Variants in PRR16 observed in about 807,000 individuals in gnomAD.
The protein encoded by PRR16 is protein Largen.
PRR16 carries 6 observed loss-of-function variants against 18.2 expected under a neutral mutation model. That is an observed-to-expected ratio of 0.33 (90% CI 0.18 to 0.65). The LOEUF is 0.65. Among genes scored for constraint, PRR16 ranks in the 30% least tolerant of loss-of-function variants. The pLI is 0.74. For synonymous variants in PRR16, 151 were observed against 147.8 expected (o/e 1.02, Z -0.16); for missense variants, 412 against 376.6 (o/e 1.09, Z -0.78).
chr5:120,704,346 TTTC>T, the PRR16 span, among the ~76,000 whole-genome samples: 48 of 152,260 alleles, frequency 3.2e-4, no homozygotes, highest in African/African-American at 1.1e-3. Flanking sequence ...TTGAGACTGT[TTTC>T]TTTTTTTCCC....
chr5:120,590,524 A>G (rs945614121), intron 1 of PRR16, among the ~76,000 whole-genome samples: 1 of 111,320 alleles, frequency 9.0e-6, no homozygotes, highest in African/African-American at 3.5e-5. Flanking sequence ...GAAGTTTTAG[A>G]GAATTTTACT....
chr5:120,574,933 C>A (rs1753025009), intron 1 of PRR16, among the ~76,000 whole-genome samples: 1 of 148,558 alleles, frequency 6.7e-6, no homozygotes, highest in South Asian at 2.1e-4. Flanking sequence ...CAGCAGTCTC[C>A]CCTTATACAC....
intron 1 of PRR16, among the ~76,000 whole-genome samples, chr5:120,588,220 A>C (rs1753515819): frequency 6.6e-6 from 1 of 152,234 alleles, no homozygotes; most frequent in African/African-American, 2.4e-5. Context: ...TGTTGTGAAC[A>C]TTGATGACAT....
chr5:120,550,649 T>C (rs996397427), intron 1 of PRR16, among the ~76,000 whole-genome samples: 1 of 152,144 alleles, frequency 6.6e-6, no homozygotes, highest in South Asian at 2.1e-4. Context: ...CACTGGAAAA[T>C]AGAAACAACA....
intron 1 of PRR16, among the ~76,000 whole-genome samples, chr5:120,475,530 GA>G (rs1362359822): frequency 6.6e-6 from 1 of 152,018 alleles, no homozygotes; most frequent in Non-Finnish European, 1.5e-5. Context: ...TTGAGGCCAG[GA>G]GTTCAAGACC....
chr5:120,698,344 G>T, the PRR16 span, among the ~76,000 whole-genome samples: 6 of 152,032 alleles, frequency 3.9e-5, no homozygotes, highest in Non-Finnish European at 5.9e-5. Flanking sequence ...AGAAAAACAG[G>T]TATAAAAGGT....
the PRR16 span, among the ~76,000 whole-genome samples, chr5:120,787,653 T>A: frequency 6.6e-6 from 1 of 152,116 alleles, no homozygotes; most frequent in African/African-American, 2.4e-5. Context: ...GAAGAAGGAA[T>A]GGGTTAGTTT....
At chr5:120,498,359 G>GTATA (rs757721426) in intron 1 of PRR16, among the ~76,000 whole-genome samples, 2 of 145,130 alleles carry the variant, frequency 1.4e-5, no homozygotes, top group African/African-American at 5.0e-5. Flanking sequence ...ATCTATAAAT[G>GTATA]TATATATATA....
the PRR16 span, among the ~76,000 whole-genome samples, chr5:120,713,196 G>A: frequency 6.6e-6 from 1 of 152,054 alleles, no homozygotes; most frequent in Admixed American, 6.6e-5. Context: ...GGATGAACTT[G>A]GAGGACATAA....
intron 1 of PRR16, among the ~76,000 whole-genome samples, chr5:120,621,004 C>A (rs539465079): frequency 6.6e-6 from 1 of 152,124 alleles, no homozygotes; most frequent in Non-Finnish European, 1.5e-5. Context: ...GTAAATCACT[C>A]CCTCATCAAA....
chr5:120,772,930 G>A, the PRR16 span, among the ~76,000 whole-genome samples: 8 of 152,104 alleles, frequency 5.3e-5, no homozygotes, highest in South Asian at 4.2e-4. Context: ...AAATATACTA[G>A]ACATTTTGGA....
intron 1 of PRR16, among the ~76,000 whole-genome samples, chr5:120,495,196 C>A (rs1435486987): frequency 6.6e-6 from 1 of 151,858 alleles, no homozygotes; most frequent in East Asian, 1.9e-4. Context: ...ATCTTCTTAT[C>A]CATGAACATG....
intron 1 of PRR16, among the ~76,000 whole-genome samples, chr5:120,495,376 C>G (rs1294151968): frequency 6.6e-6 from 1 of 152,008 alleles, no homozygotes; most frequent in Non-Finnish European, 1.5e-5. Flanking sequence ...CCTGAGAATA[C>G]CAAAATTTGT....
the PRR16 span, among the ~76,000 whole-genome samples, chr5:120,789,165 C>G: frequency 6.6e-6 from 1 of 152,078 alleles, no homozygotes; most frequent in Non-Finnish European, 1.5e-5. Context: ...ACTTATAAAT[C>G]AATTAATCAT....
intron 1 of PRR16, among the ~76,000 whole-genome samples, chr5:120,477,862 C>T (rs547090747): frequency 6.6e-6 from 1 of 152,310 alleles, no homozygotes; most frequent in Admixed American, 6.5e-5. Context: ...CCTATATCCC[C>T]ACCTGAGCAA....
In PRR16 at chr5:120,486,536, C is replaced by G. The variant is rs1311482351; in HGVS notation, c.159+21891C>G. Among the ~76,000 whole-genome samples the G allele has an allele frequency of 2.0e-5, 3 of 152,056 alleles. No homozygotes were observed. The East Asian group carries it at 5.8e-4, about 29-fold the overall frequency. ...AATTTGTTTGAGTTCATTGTAGATG[C>G]TGGATATTAGCCCTTTGTCAGATGA... On this transcript the variant is annotated intron_variant, in intron 1 of 1. Transcript: ENST00000407149.
At chr5:120,657,980 T>G (rs1756042371) in intron 1 of PRR16, 1 of 152,014 alleles carries the variant, frequency 6.6e-6, no homozygotes, top group Non-Finnish European at 1.5e-5. Flanking sequence ...CAACCATTGT[T>G]TCTTTGAGTA....
intron 1 of PRR16, among the ~76,000 whole-genome samples, chr5:120,623,173 A>G (rs1318952276): frequency 6.6e-6 from 1 of 152,206 alleles, no homozygotes; most frequent in Non-Finnish European, 1.5e-5. Context: ...TGTTATAGTC[A>G]TTAGATTCCT....
chr5:120,770,518 T>C, the PRR16 span, among the ~76,000 whole-genome samples: 1 of 151,932 alleles, frequency 6.6e-6, no homozygotes, highest in East Asian at 1.9e-4. Context: ...ATCTTGGCAA[T>C]GATTTATTAC....
Sources: gnomAD v4.1 joint callset for allele counts (sites outside exome capture counted in the v4.1 genomes callset) on GRCh38, gnomAD v4.1.1 for gene constraint, MANE v1.5 for transcripts, NCBI Gene and HGNC (gene_info 2026-07-23, HGNC 2026-07-21) for gene names.